Variants in FEZ1 observed in about 807,000 individuals in gnomAD.
FEZ1 encodes the protein fasciculation and elongation protein zeta-1.
A neutral mutation model predicts 49.3 loss-of-function variants in FEZ1; 20 were observed. The ratio of observed to expected loss-of-function variants is 0.41; its 90% CI spans 0.29 to 0.59. FEZ1 has a LOEUF of 0.59. Among genes scored for constraint, FEZ1 ranks in the 20% least tolerant of loss-of-function variants. FEZ1 has a pLI of 0.36. For missense variants in FEZ1, 413 were observed against 476.0 expected, an observed-to-expected ratio of 0.87 and a Z score of 1.23; for synonymous variants, 170 against 180.9, an observed-to-expected ratio of 0.94 and a Z score of 0.48.
At chr11:125,455,788 G>T in intron 6 of FEZ1, 47 bp downstream of exon 6, 2 of 1,602,954 alleles carry the variant, frequency 1.2e-6, no homozygotes, top group Non-Finnish European at 1.7e-6. Flanking sequence ...AAACGGGCAG[G>T]GTTGGAGGTT....
At chr11:125,457,041 G>A (rs976965261) in intron 5 of FEZ1, among the ~76,000 whole-genome samples, 2 of 151,520 alleles carry the variant, frequency 1.3e-5, no homozygotes, top group Admixed American at 1.3e-4. Context: ...AAATTAGCCA[G>A]GCATGGTGGT....
At chr11:125,481,380 ACTCAAGCAATCACCCAC>A (rs767157648) in intron 3 of FEZ1, among the ~76,000 whole-genome samples, 137 bp downstream of exon 3, 10 of 152,120 alleles carry the variant, frequency 6.6e-5, no homozygotes, top group Admixed American at 2.0e-4. Flanking sequence ...AAATTACTGA[ACTCAAGCAATCACCCAC>A]CTCGGTCTCC....
intron 3 of FEZ1, among the ~76,000 whole-genome samples, chr11:125,477,856 C>CA (rs11413508): frequency 0.42 from 58,956 of 141,246 alleles, 11,917 homozygotes; most frequent in South Asian, 0.51. Flanking sequence ...GAGCTTTATG[C>CA]AAAAAAAAAA....
intron 3 of FEZ1, among the ~76,000 whole-genome samples, chr11:125,464,067 A>G (rs1438091451): frequency 1.3e-5 from 2 of 152,234 alleles, no homozygotes; most frequent in African/African-American, 2.4e-5. Flanking sequence ...ATGAAATGCC[A>G]TCCTGTTACT....
intron 1 of FEZ1, among the ~76,000 whole-genome samples, chr11:125,493,360 A>AG (rs1565306659): frequency 3.8e-5 from 4 of 103,906 alleles, no homozygotes; most frequent in Admixed American, 3.0e-4. Context: ...AAAGAAAGAG[A>AG]GAAAAGAAAG....
intron 1 of FEZ1, among the ~76,000 whole-genome samples, chr11:125,493,200 G>A (rs2135792180): frequency 6.6e-6 from 1 of 151,200 alleles, no homozygotes; most frequent in African/African-American, 2.4e-5. Flanking sequence ...TGAGCATGGT[G>A]GCAGGTGCCT....
chr11:125,450,029 G>GTTTT (rs1383731186), intron 8 of FEZ1, among the ~76,000 whole-genome samples: 1 of 143,610 alleles, frequency 7.0e-6, no homozygotes. Flanking sequence ...TTTCTTCTGG[G>GTTTT]TTTTTTTTTT....
chr11:125,480,440 C>A (rs1591598071), intron 3 of FEZ1, among the ~76,000 whole-genome samples: 1 of 152,152 alleles, frequency 6.6e-6, no homozygotes, highest in Non-Finnish European at 1.5e-5. Context: ...AATATCTGGG[C>A]CCCACCTCTG....
chr11:125,481,583 C>A lies in FEZ1; in HGVS notation c.362G>T (p.Trp121Leu). Residue 121 changes from tryptophan to leucine, a missense_variant, in exon 3 of 10, where the codon TGG becomes TTG. Trp to Leu is a moderately conservative substitution (Grantham distance 61). Coordinates refer to ENST00000278919, the MANE Select transcript of FEZ1 (RefSeq NM_005103.5). ...DNYIPSLSED[W>L]RDPNIEALNG... is the part of the protein sequence containing the mutation. Reference sequence around the variant, plus strand: ...CAGAGCCTCGATGTTTGGATCCCTCCAGTCTTCTGAGAGTGAAGGGATGTA... The same window carrying A: ...CAGAGCCTCGATGTTTGGATCCCTCAAGTCTTCTGAGAGTGAAGGGATGTA... 1.2e-6 allele frequency: 2 copies of A among 1,613,678 alleles called. No homozygotes were observed. The highest frequency in any genetic ancestry group is 1.7e-6 in the Non-Finnish European group (2 of 1,179,732).
chr11:125,482,980 A>T (rs1957297084), intron 2 of FEZ1, among the ~76,000 whole-genome samples: 1 of 145,690 alleles, frequency 6.9e-6, no homozygotes, highest in African/African-American at 2.6e-5. Flanking sequence ...ACTGTAAAAA[A>T]AAAAAAAAAA....
At chr11:125,470,094 A>T (rs1204728152) in intron 3 of FEZ1, among the ~76,000 whole-genome samples, 1 of 152,178 alleles carries the variant, frequency 6.6e-6, no homozygotes, top group African/African-American at 2.4e-5. Flanking sequence ...TGAAAGATGA[A>T]AATGTATAGA....
intron 3 of FEZ1, among the ~76,000 whole-genome samples, chr11:125,471,009 A>G (rs1314425850): frequency 6.6e-6 from 1 of 152,220 alleles, no homozygotes; most frequent in Non-Finnish European, 1.5e-5. Flanking sequence ...TGTAAAGTGT[A>G]CAATATTAAT....
chr11:125,474,912 C>T (rs1361474943), intron 3 of FEZ1, among the ~76,000 whole-genome samples: 1 of 151,710 alleles, frequency 6.6e-6, no homozygotes, highest in Admixed American at 6.6e-5. Context: ...ACTCTTACAA[C>T]TCAATACTAA....
intron 8 of FEZ1, among the ~76,000 whole-genome samples, chr11:125,449,417 T>TAAAAAAAAAAAAA (rs35920814): frequency 7.4e-5 from 2 of 27,014 alleles, no homozygotes; most frequent in African/African-American, 2.8e-4. Context: ...TTTGTCTCTA[T>TAAAAAAAAAAAAA]AAAAAAAAAA....
At chr11:125,493,483 AAAG>A (rs1957418924) in intron 1 of FEZ1, among the ~76,000 whole-genome samples, 1 of 82,552 alleles carries the variant, frequency 1.2e-5, no homozygotes, top group East Asian at 3.1e-4. Context: ...GGAAAGAAGG[AAAG>A]AAGGAAAGAA....
At chr11:125,453,079 T>A (rs11220080) in intron 7 of FEZ1, 4 of 152,002 alleles carry the variant, frequency 2.6e-5, no homozygotes, top group African/African-American at 9.7e-5. Flanking sequence ...TGCCTCAGCC[T>A]CCCAAGTAGC....
chr11:125,467,303 C>T (rs898892702), intron 3 of FEZ1, among the ~76,000 whole-genome samples: 3 of 152,118 alleles, frequency 2.0e-5, no homozygotes, highest in East Asian at 1.9e-4. Flanking sequence ...CTCAGCCTCC[C>T]GAGTGGGATT....
At chr11:125,461,534 G>C (rs536332356) in intron 4 of FEZ1, among the ~76,000 whole-genome samples, 2 of 152,218 alleles carry the variant, frequency 1.3e-5, no homozygotes, top group Non-Finnish European at 2.9e-5. Context: ...TTGAGCCCAA[G>C]AGGTAGAGGT....
rs1565306898 is a variant in FEZ1 at position 125,493,409 on chromosome 11, A to AGAAAGAAAGAAAGAAG, written c.-46+2696_-46+2711dup. Among the ~76,000 whole-genome samples, 23 of 68,404 alleles carry AGAAAGAAAGAAAGAAG rather than the reference A, an allele frequency of 3.4e-4. 1 individual carries two copies. The highest frequency in any genetic ancestry group is 5.8e-4 in the Non-Finnish European group (21 of 36,432). The allele number at this position is 68,404 out of a possible 152,430, so 44.9% of individuals were successfully genotyped here. A position where few individuals can be genotyped will look rare whatever the true frequency, so the allele number is the denominator to read the frequency against. ...AAGAAAGAAAGAAAGAAAGAAAGAA[A>AGAAAGAAAGAAAGAAG]GAAAGAAAGAAAGAAGGAAAGAAGG... On this transcript the variant is annotated intron_variant, in intron 1 of 9. Coordinates refer to ENST00000278919, the MANE Select transcript of FEZ1 (RefSeq NM_005103.5).
Sources: allele counts gnomAD v4.1 joint callset (sites outside exome capture counted in the v4.1 genomes callset), GRCh38; gene constraint gnomAD v4.1.1; transcripts MANE v1.5; gene names NCBI Gene and HGNC (gene_info 2026-07-23, HGNC 2026-07-21).